RAB27B: variants seen among roughly 807,000 people sequenced by gnomAD.
RAB27B encodes the protein RAB27B, member RAS oncogene family, also known as ras-related protein Rab-27B.
Under a neutral mutation model 24.6 loss-of-function variants are expected in RAB27B, and 15 were observed. That is an observed-to-expected ratio of 0.61 (90% CI 0.41 to 0.94). The LOEUF (loss-of-function observed/expected upper bound fraction) is 0.94. Ranked by LOEUF, RAB27B falls within the 40% of genes least tolerant of loss-of-function variation. RAB27B has a pLI of 0.00. For synonymous variants in RAB27B, 105 were observed against 92.5 expected (o/e 1.14, Z -0.78); for missense variants, 261 against 266.8 (o/e 0.98, Z 0.15).
intron 2 of RAB27B, among the ~76,000 whole-genome samples, chr18:54,734,355 C>T (rs1256964394): frequency 6.6e-6 from 1 of 152,086 alleles, no homozygotes; most frequent in East Asian, 1.9e-4. Context: ...TTGATACTGT[C>T]TCTTCTATGA....
Position 54,892,979 on chromosome 18 carries a change from G to A in RAB27B, c.*3566G>A, listed in dbSNP as rs753018025. 3.3e-5 allele frequency: 5 copies of A among 152,010 alleles called. No homozygotes were observed. The highest frequency in any genetic ancestry group is 4.8e-5 in the African/African-American group (2 of 41,418). The allele number at this position is 152,010 out of a possible 1,614,324, so 9.4% of individuals were successfully genotyped here. ...AAAAATAATTTAATAGCCACAATATGATGTTCTTTAAGCTGCAAATTGAGT... is the reference window on the plus strand; with the variant it reads ...AAAAATAATTTAATAGCCACAATATAATGTTCTTTAAGCTGCAAATTGAGT... On this transcript the variant is annotated 3_prime_UTR_variant, in exon 6 of 6. Transcript: ENST00000262094.
At chr18:54,864,573 T>C (rs1396674633) in intron 1 of RAB27B, among the ~76,000 whole-genome samples, 1 of 152,144 alleles carries the variant, frequency 6.6e-6, no homozygotes, top group African/African-American at 2.4e-5. Context: ...TATTTTCTTC[T>C]AAGAGTTTCA....
intron 2 of RAB27B, among the ~76,000 whole-genome samples, chr18:54,778,531 G>T (rs1194168803): frequency 1.3e-5 from 2 of 152,212 alleles, no homozygotes; most frequent in Admixed American, 6.5e-5. Flanking sequence ...GAGCCCATTT[G>T]TACTGAGCTT....
chr18:54,840,060 G>A (rs1263205399), intron 1 of RAB27B, among the ~76,000 whole-genome samples: 1 of 152,080 alleles, frequency 6.6e-6, no homozygotes, highest in Non-Finnish European at 1.5e-5. Context: ...TTTTTATAAG[G>A]CCAAACATTC....
intron 4 of RAB27B, among the ~76,000 whole-genome samples, chr18:54,886,199 C>T (rs1913129625): frequency 6.6e-6 from 1 of 152,052 alleles, no homozygotes; most frequent in Non-Finnish European, 1.5e-5. Flanking sequence ...ACTTTGTATC[C>T]CCTCAACACG....
At chr18:54,883,937 A>G (rs1276780299) in intron 3 of RAB27B, among the ~76,000 whole-genome samples, 4 of 152,168 alleles carry the variant, frequency 2.6e-5, no homozygotes, top group Non-Finnish European at 5.9e-5. Flanking sequence ...ACTGTGTGCC[A>G]AGCTTTCTTC....
At chr18:54,847,095 C>A (rs1568094314) in intron 1 of RAB27B, among the ~76,000 whole-genome samples, 1 of 152,156 alleles carries the variant, frequency 6.6e-6, no homozygotes, top group Non-Finnish European at 1.5e-5. Flanking sequence ...AAGTGATCCG[C>A]CCACCTCAGC....
chr18:54,728,903 C>CAAAAAAAAAAAAAAAAAAAAAAAAAAA (rs58878407), intron 2 of RAB27B, among the ~76,000 whole-genome samples: 2 of 68,254 alleles, frequency 2.9e-5, no homozygotes, highest in Non-Finnish European at 5.0e-5. Context: ...AAAAAAAACC[C>CAAAAAAAAAAAAAAAAAAAAAAAAAAA]AAAAAAAAAA....
chr18:54,871,536 G>A lies in RAB27B; in HGVS notation c.-19-6031G>A, dbSNP rs575146461. Among the ~76,000 whole-genome samples, 4 of 152,194 alleles carry A rather than the reference G, an allele frequency of 2.6e-5. No homozygotes were observed. In the South Asian group the frequency reaches 6.2e-4, roughly 24 times the overall value. ...TTTATTTTACTGAAACTCTGTACAC[G>A]GAATGCAAAGAAATATGGCTGATAC... is the stretch of plus-strand genomic sequence containing the variant. On this transcript the variant is annotated intron_variant, in intron 1 of 5. Transcript: ENST00000262094.
At chr18:54,747,711 G>A (rs919007919) in intron 2 of RAB27B, among the ~76,000 whole-genome samples, 1 of 152,140 alleles carries the variant, frequency 6.6e-6, no homozygotes, top group Non-Finnish European at 1.5e-5. Flanking sequence ...TCCAAAATAT[G>A]CGTGGGTTTC....
chr18:54,730,459 A>G (rs1198402123), intron 2 of RAB27B, among the ~76,000 whole-genome samples: 7 of 151,980 alleles, frequency 4.6e-5, no homozygotes, highest in Non-Finnish European at 7.4e-5. Context: ...AGCGTGCTGC[A>G]TTTACTTCTT....
intron 1 of RAB27B, among the ~76,000 whole-genome samples, chr18:54,874,870 G>C (rs1912629625): frequency 6.6e-6 from 1 of 152,114 alleles, no homozygotes; most frequent in East Asian, 1.9e-4. Flanking sequence ...GCAAGTTTAG[G>C]GGAAGAGGGA....
At chr18:54,718,778 CA>C (rs1291298873) in intron 2 of RAB27B, among the ~76,000 whole-genome samples, 1 of 151,980 alleles carries the variant, frequency 6.6e-6, no homozygotes, top group African/African-American at 2.4e-5. Context: ...TTAGAAAACC[CA>C]AATGATTATG....
chr18:54,889,438 A>G lies in RAB27B; in HGVS notation c.*25A>G. On this transcript the variant is annotated 3_prime_UTR_variant, in exon 6 of 6. Coordinates refer to ENST00000262094, the MANE Select transcript of RAB27B (RefSeq NM_004163.4). ...GACTCTACATAGAAACTGAACATCA[A>G]GAACCCCACCAAAATATTACTTTTA... 2 of 1,574,284 alleles carry G rather than the reference A, an allele frequency of 1.3e-6. No homozygotes were observed. Among genetic ancestry groups the G allele is most frequent in the Non-Finnish European group, 1.7e-6 (2 of 1,160,662 alleles).
Position 54,895,064 on chromosome 18 carries a change from T to G in RAB27B, c.*5651T>G, listed in dbSNP as rs890497222. 1 of 151,916 alleles carries G rather than the reference T, an allele frequency of 6.6e-6. No individual in the cohort carries two copies. Among genetic ancestry groups the G allele is most frequent in the Admixed American group, 6.6e-5 (1 of 15,216 alleles). The allele number at this position is 151,916 out of a possible 1,614,324, so 9.4% of individuals were successfully genotyped here. ...AATAGGGCTTCTGTGTCCATAGCCT[T>G]GTAAGAGATACTGATTGTATCTGAA... On this transcript the variant is annotated 3_prime_UTR_variant, in exon 6 of 6. Coordinates refer to ENST00000262094, the MANE Select transcript of RAB27B (RefSeq NM_004163.4).
At chr18:54,871,594 T>A (rs536314510) in intron 1 of RAB27B, among the ~76,000 whole-genome samples, 2 of 152,308 alleles carry the variant, frequency 1.3e-5, no homozygotes, top group South Asian at 4.1e-4. Flanking sequence ...CTTTCCGAAG[T>A]GTCTTAAGAA....
intron 2 of RAB27B, among the ~76,000 whole-genome samples, chr18:54,756,815 A>C (rs1908019563): frequency 6.6e-6 from 1 of 152,206 alleles, no homozygotes; most frequent in African/African-American, 2.4e-5. Context: ...ACTTCATTTG[A>C]CTTAAAAGAT....
intron 2 of RAB27B, among the ~76,000 whole-genome samples, chr18:54,762,728 C>T (rs1908231342): frequency 6.6e-6 from 1 of 152,108 alleles, no homozygotes; most frequent in African/African-American, 2.4e-5. Context: ...CTTCCTCCTC[C>T]CCAACACACC....
intron 4 of RAB27B, among the ~76,000 whole-genome samples, chr18:54,885,180 A>G (rs1913082208): frequency 6.6e-6 from 1 of 152,190 alleles, no homozygotes; most frequent in Non-Finnish European, 1.5e-5. Flanking sequence ...TTTATTACAA[A>G]TAAGAATTTT....
Sources: gnomAD v4.1 joint callset for allele counts (sites outside exome capture counted in the v4.1 genomes callset) on GRCh38, gnomAD v4.1.1 for gene constraint, MANE v1.5 for transcripts, NCBI Gene and HGNC (gene_info 2026-07-23, HGNC 2026-07-21) for gene names.